Variants in CEP290 observed in about 807,000 individuals in gnomAD.
The protein encoded by CEP290 is centrosomal protein 290, also known as centrosomal protein of 290 kDa.
In CEP290, 317 loss-of-function variants were observed where a neutral mutation model predicts 344.9. The ratio of observed to expected loss-of-function variants is 0.92; its 90% CI spans 0.84 to 1.01. The LOEUF is 1.01. Ranked by LOEUF, CEP290 falls within the 50% of genes least tolerant of loss-of-function variation. The pLI is 0.00. For synonymous variants in CEP290, 932 were observed against 895.8 expected (o/e 1.04, Z -0.72); for missense variants, 2,754 against 2,761.4 (o/e 1.00, Z 0.06).
chr12:88,053,885 T>C (rs2033777852), intron 51 of CEP290, 139 bp from the exon 52 acceptor site: 1 of 509,712 alleles, frequency 2.0e-6, no homozygotes, highest in Admixed American at 3.8e-5. Context: ...CTCTCAATGC[T>C]ACAATGTCAC....
chr12:88,054,477 T>C, intron 50 of CEP290, 64 bp from the exon 51 acceptor site: 1 of 1,228,322 alleles, frequency 8.1e-7, no homozygotes, highest in Non-Finnish European at 1.2e-6. Flanking sequence ...TTTATAAAGA[T>C]ACACATTTTT....
chr12:88,115,525 T>C (rs2038986633), intron 18 of CEP290: 1 of 1,294,320 alleles, frequency 7.7e-7, no homozygotes, highest in Non-Finnish European at 1.0e-6. Context: ...TCTGCATTTC[T>C]ACACTCTGCT....
At position 88,106,828 on chromosome 12, in the gene CEP290, A is replaced by G; in HGVS notation, c.2664T>C (p.Val888=). The change falls in exon 25 of 54, where the codon GTT becomes GTC. Residue 888 remains valine (V), a synonymous_variant. Coordinates refer to ENST00000552810, the MANE Select transcript of CEP290 (RefSeq NM_025114.4). ...ILAENSRKIT[V]LQVNEKSLIR... is the part of the protein sequence containing the mutation. The stretch of plus-strand genomic sequence containing the variant: ...TAAGTGATTTTTCATTCACTTGCAA[A>G]ACAGTAATTTTCCTACTATTTTCTG... The G allele has an allele frequency of 1.2e-6, 2 of 1,608,726 alleles. No individual in the cohort carries two copies. The highest frequency in any genetic ancestry group is 1.7e-6 in the Non-Finnish European group (2 of 1,177,208).
At chr12:88,123,559 C>G (rs2039545724) in intron 13 of CEP290, among the ~76,000 whole-genome samples, 1 of 152,100 alleles carries the variant, frequency 6.6e-6, no homozygotes, top group Admixed American at 6.6e-5. Context: ...GCTTTTCCTC[C>G]TAGCTCTCTG....
chr12:88,049,717 A>C lies in CEP290; in HGVS notation c.7210-303T>G, dbSNP rs78391352. The C allele has an allele frequency of 6.3e-3, 1,188 of 189,212 alleles. 20 individuals are homozygous for C. Among genetic ancestry groups the C allele is most frequent in the African/African-American group, 0.026 (1,133 of 42,836 alleles). 11.7% of individuals were successfully genotyped at this position (189,212 alleles called of 1,614,324 possible). ...GCATATAAGAGCTTGTCAATAGAGC[A>C]ATCAATCAAAAAGATTTTGTGATTC... is the stretch of plus-strand genomic sequence containing the variant. On this transcript the variant is annotated intron_variant, in intron 53 of 53. Transcript: ENST00000552810.
Position 88,058,851 on chromosome 12 carries a change from GT to G in CEP290, c.6814del (p.Thr2272GlnfsTer8). ...AAGTTTAAAACTCTGTTCCTACCTTGTAACCACAATGGATTTCCAGCTCTTA... is the reference window on the plus strand; with the variant it reads ...AAGTTTAAAACTCTGTTCCTACCTTGAACCACAATGGATTTCCAGCTCTTA... ...DSKSWKSIVVTRMYETKLKEL... is the reference protein window; with the variant it reads ...DSKSWKSIVVXRMYETKLKEL... On this transcript the variant is annotated frameshift_variant, in exon 49 of 54. Transcript: ENST00000552810. LOFTEE classifies it high-confidence loss of function. 6.2e-7 allele frequency: 1 copy of G among 1,613,340 alleles called. No homozygotes were observed. Among genetic ancestry groups the G allele is most frequent in the Non-Finnish European group, 8.5e-7 (1 of 1,179,816 alleles).
chr12:88,055,670 T>G lies in CEP290; in HGVS notation c.6866A>C (p.Lys2289Thr). Residue 2289 changes from lysine to threonine, a missense_variant, in exon 50 of 54, where the codon AAA becomes ACA. By Grantham distance (78) the Lys-to-Thr change is moderately conservative. Coordinates refer to ENST00000552810, the MANE Select transcript of CEP290 (RefSeq NM_025114.4). Reference sequence around the variant, plus strand: ...TTTAAGGTCAGTAATGCTTTGATTTTTTTTGGCAATATCAGTTTCCAATTC... The same window carrying G: ...TTTAAGGTCAGTAATGCTTTGATTTGTTTTGGCAATATCAGTTTCCAATTC... ...LKELETDIAK[K>T]NQSITDLKQL... The G allele has an allele frequency of 6.4e-7, 1 of 1,554,430 alleles. No individual in the cohort carries two copies. Among genetic ancestry groups the G allele is most frequent in the Non-Finnish European group, 8.7e-7 (1 of 1,150,066 alleles).
At position 88,092,844 on chromosome 12, in the gene CEP290, T is replaced by C; in HGVS notation, c.3310-12A>G. 6.2e-7 allele frequency: 1 copy of C among 1,607,366 alleles called. No homozygotes were observed. The highest frequency in any genetic ancestry group is 8.5e-7 in the Non-Finnish European group (1 of 1,178,064). On this transcript the variant is annotated splice_polypyrimidine_tract_variant and intron_variant, in intron 28 of 53. Transcript: ENST00000552810. ...TTGATTTTGGTAAGCTAAGGAAATGTAACAAAAAATGTTCAGATACATCAA... is the reference window on the plus strand; with the variant it reads ...TTGATTTTGGTAAGCTAAGGAAATGCAACAAAAAATGTTCAGATACATCAA...
intron 44 of CEP290, among the ~76,000 whole-genome samples, chr12:88,066,754 A>G (rs552170801): frequency 6.6e-6 from 1 of 152,116 alleles, no homozygotes; most frequent in African/African-American, 2.4e-5. Context: ...CTCCCACCAC[A>G]GCCTCCCTAA....
At chr12:88,126,718 A>G (rs2039755289) in intron 11 of CEP290, among the ~76,000 whole-genome samples, 1 of 152,096 alleles carries the variant, frequency 6.6e-6, no homozygotes, top group Non-Finnish European at 1.5e-5. Flanking sequence ...TTTATAAACA[A>G]GAAGTACTTC....
In CEP290 at chr12:88,139,565, C is replaced by A. The variant is rs281865190; in HGVS notation, c.181-1G>T. ...CCAGCTCCACTTCTTGAGCTTTCAT[C>A]TAAACATTAAAAAAAGGTTATTTCA... On this transcript the variant is annotated splice_acceptor_variant, in intron 3 of 53. Transcript: ENST00000552810. LOFTEE classifies it high-confidence loss of function. The A allele has an allele frequency of 6.4e-7, 1 of 1,565,322 alleles. No homozygotes were observed. Among genetic ancestry groups the A allele is most frequent in the South Asian group, 1.2e-5 (1 of 81,056 alleles).
rs1292516576 is a variant in CEP290, at chr12:88,083,945, C to A, written c.4714G>T (p.Glu1572Ter). 6.3e-7 allele frequency: 1 copy of A among 1,583,792 alleles called. No homozygotes were observed. ...TCTTCCTCATGTTTCTTCACAATTT[C>A]TCTTTGCTCCTGTTTTACAGAAAAT... ...LLEKAREEQR[E>*]IVKKHEEDLH... Residue 1572 changes from glutamate (E) to a stop codon, truncating the protein, a stop_gained, in exon 36 of 54, where the codon GAA (glutamate) becomes TAA (stop). Transcript: ENST00000552810. LOFTEE classifies it high-confidence loss of function.
intron 6 of CEP290, among the ~76,000 whole-genome samples, chr12:88,132,699 TGAA>T (rs1314410231): frequency 3.9e-5 from 6 of 152,148 alleles, no homozygotes; most frequent in Admixed American, 6.5e-5. Flanking sequence ...TGAATCTATA[TGAA>T]GGGTATGTGG....
chr12:88,079,265 A>G, intron 38 of CEP290, 36 bp from the exon 39 acceptor site: 1 of 1,507,990 alleles, frequency 6.6e-7, no homozygotes, highest in Non-Finnish European at 8.9e-7. Flanking sequence ...TAATTTTTAA[A>G]GGAAAACTGA....
At position 88,064,086 on chromosome 12, in the gene CEP290, A is replaced by G. The variant is rs2034700190; in HGVS notation, c.6165T>C (p.Cys2055=). The part of the protein sequence containing the change: ...SISGIESDDH[C]QREQELQKEN... ...CCTTCTGAAGCTCCTGTTCTCTCTG[A>G]CAATGATCATCTGACTCTATTCCTG... Residue 2055 remains cysteine (C), a synonymous_variant, in exon 45 of 54, where the codon TGT becomes TGC. Transcript: ENST00000552810. 1.3e-6 allele frequency: 2 copies of G among 1,578,348 alleles called. No homozygotes were observed. Among genetic ancestry groups the G allele is most frequent in the African/African-American group, 1.3e-5 (1 of 74,216 alleles).
chr12:88,110,394 A>G (rs747969608), intron 22 of CEP290, among the ~76,000 whole-genome samples: 2 of 152,072 alleles, frequency 1.3e-5, no homozygotes, highest in Non-Finnish European at 2.9e-5. Context: ...GAAGACAAAG[A>G]TGAAGAATAA....
chr12:88,059,656 C>T (rs1390667557), intron 48 of CEP290, among the ~76,000 whole-genome samples: 1 of 152,154 alleles, frequency 6.6e-6, no homozygotes, highest in Non-Finnish European at 1.5e-5. Context: ...ATCCACCCGC[C>T]TTGGCCTCCC....
At chr12:88,087,511 G>A (rs1194455458) in intron 32 of CEP290, among the ~76,000 whole-genome samples, 1 of 151,818 alleles carries the variant, frequency 6.6e-6, no homozygotes, top group Non-Finnish European at 1.5e-5. Context: ...ATGAGGTCAG[G>A]AGATCAAGAC....
rs973231335 is a variant in CEP290 at position 88,055,713 on chromosome 12, A to C, written c.6823T>G (p.Tyr2275Asp). Residue 2275 changes from tyrosine (Y) to aspartate (D), a missense_variant, in exon 50 of 54, where the codon TAT becomes GAT. Physicochemically the swap from Tyr to Asp is radical, Grantham distance 160. Coordinates refer to ENST00000552810, the MANE Select transcript of CEP290 (RefSeq NM_025114.4). ...SWKSIVVTRM[Y>D]ETKLKELETD... Reference sequence around the variant, plus strand: ...TCCAATTCTTTTAACTTGGTTTCATACATTCTAAAAGTATAAGGAAAAAAA... The same window carrying C: ...TCCAATTCTTTTAACTTGGTTTCATCCATTCTAAAAGTATAAGGAAAAAAA... The C allele has an allele frequency of 6.6e-6, 10 of 1,514,152 alleles. No individual in the cohort carries two copies. The highest frequency in any genetic ancestry group is 8.9e-6 in the Non-Finnish European group (10 of 1,125,516). The allele number at this position is 1,514,152 out of a possible 1,614,324, so 93.8% of individuals were successfully genotyped here. A position where few individuals can be genotyped will look rare whatever the true frequency, so the allele number is the denominator to read the frequency against.
Sources: gnomAD v4.1 joint callset for allele counts (sites outside exome capture counted in the v4.1 genomes callset) on GRCh38, gnomAD v4.1.1 for gene constraint, MANE v1.5 for transcripts, NCBI Gene and HGNC (gene_info 2026-07-23, HGNC 2026-07-21) for gene names.